NCAPD3: variants seen among roughly 807,000 people sequenced by gnomAD.
NCAPD3 encodes non-SMC condensin II complex subunit D3, also known as condensin-2 complex subunit D3.
In NCAPD3, 105 loss-of-function variants were observed where a neutral mutation model predicts 182.9. The ratio of observed to expected loss-of-function variants is 0.57; its 90% CI spans 0.49 to 0.68. The LOEUF (loss-of-function observed/expected upper bound fraction) is 0.68, where lower values mean the gene tolerates loss of function less well. NCAPD3 is among the 30% of genes least tolerant of loss of function. The pLI is 0.00. For missense variants in NCAPD3, 1,944 were observed against 1,837.0 expected, an observed-to-expected ratio of 1.06 and a Z score of -1.07; for synonymous variants, 815 against 679.9, an observed-to-expected ratio of 1.20 and a Z score of -3.09.
At chr11:134,163,844 C>T (rs1281628294) in intron 27 of NCAPD3, among the ~76,000 whole-genome samples, 4 of 135,764 alleles carry the variant, frequency 2.9e-5, no homozygotes, top group South Asian at 4.7e-4. Flanking sequence ...TGCACTCCAG[C>T]CTGGGCGACG....
chr11:134,160,025 T>C lies in NCAPD3; in HGVS notation c.3734A>G (p.Asp1245Gly). The C allele has an allele frequency of 1.2e-6, 2 of 1,614,144 alleles. No homozygotes were observed. Among genetic ancestry groups the C allele is most frequent in the Non-Finnish European group, 1.7e-6 (2 of 1,180,022 alleles). The change falls in exon 29 of 35, where the codon GAC (aspartate) becomes GGC (glycine). Residue 1245 changes from aspartate to glycine, a missense_variant. By Grantham distance (94) the Asp-to-Gly change is moderately conservative. Coordinates refer to ENST00000534548, the MANE Select transcript of NCAPD3 (RefSeq NM_015261.3). ...RDELKDFFAVDKQLASELEYD... is the reference protein window; with the variant it reads ...RDELKDFFAVGKQLASELEYD... ...CTCAAGCTCTGATGCCAGCTGTTTG[T>C]CAACTGCAAAGAAGTCCTTGAGCTC... is the stretch of plus-strand genomic sequence containing the variant.
intron 16 of NCAPD3, among the ~76,000 whole-genome samples, 183 bp downstream of exon 16, chr11:134,192,506 T>A (rs1053950722): frequency 1.3e-5 from 2 of 152,156 alleles, no homozygotes; most frequent in Non-Finnish European, 2.9e-5. Flanking sequence ...GTCACAAACA[T>A]ACAGGCGATA....
At chr11:134,207,962 G>A (rs776955387) in intron 7 of NCAPD3, among the ~76,000 whole-genome samples, 16 of 152,114 alleles carry the variant, frequency 1.1e-4, no homozygotes, top group Non-Finnish European at 1.6e-4. Context: ...CATTGTGCTC[G>A]GTAGGCGGCC....
At position 134,168,103 on chromosome 11, in the gene NCAPD3, G is replaced by A. The variant is rs761147428; in HGVS notation, c.3466C>T (p.Leu1156Phe). 1 of 1,614,164 alleles carries A rather than the reference G, an allele frequency of 6.2e-7. No individual in the cohort carries two copies. Among genetic ancestry groups the A allele is most frequent in the Non-Finnish European group, 8.5e-7 (1 of 1,180,002 alleles). The change falls in exon 27 of 35, where the codon CTT becomes TTT. Residue 1156 changes from leucine (L) to phenylalanine (F), a missense_variant. By Grantham distance (22) the Leu-to-Phe change is conservative. This residue lies in a region of NCAPD3 where 1,803 missense variants were observed against 1,674.6 expected (regional missense o/e 1.08). Transcript: ENST00000534548. ...FEVLSSKEIK[L>F]LAMRSKPDKD... ...TCTGGTTTAGATCTCATTGCCAAAA[G>A]CTTGATCTCCTTTGAGCTGAGGACC...
intron 32 of NCAPD3, among the ~76,000 whole-genome samples, chr11:134,155,369 T>C (rs1943391430): frequency 2.6e-5 from 4 of 152,228 alleles, no homozygotes; most frequent in Non-Finnish European, 5.9e-5. Flanking sequence ...TTTTAAACTA[T>C]CTAACAGTTC....
intron 16 of NCAPD3, among the ~76,000 whole-genome samples, chr11:134,192,235 C>T (rs907788396): frequency 6.6e-6 from 1 of 152,180 alleles, no homozygotes; most frequent in Admixed American, 6.5e-5. Flanking sequence ...CTCCTAACTA[C>T]AATATTCACT....
chr11:134,211,796 G>T (rs1212030558), intron 3 of NCAPD3, among the ~76,000 whole-genome samples: 1 of 152,076 alleles, frequency 6.6e-6, no homozygotes, highest in Non-Finnish European at 1.5e-5. Context: ...CTGAAACAAA[G>T]ATAAGTGAAC....
chr11:134,183,531 G>C (rs1043733978), intron 19 of NCAPD3, among the ~76,000 whole-genome samples: 1 of 152,198 alleles, frequency 6.6e-6, no homozygotes, highest in African/African-American at 2.4e-5. Context: ...TTGCGCCACT[G>C]TACTCTAGCC....
At chr11:134,172,284 CTTCA>C (rs567707621) in intron 24 of NCAPD3, among the ~76,000 whole-genome samples, 44 of 152,224 alleles carry the variant, frequency 2.9e-4, no homozygotes, top group Non-Finnish European at 5.7e-4. Flanking sequence ...GCTTTCCTGA[CTTCA>C]TTGTTTCCAG....
chr11:134,172,872 T>A (rs926207735), intron 24 of NCAPD3, among the ~76,000 whole-genome samples: 12 of 149,194 alleles, frequency 8.0e-5, no homozygotes, highest in Non-Finnish European at 1.3e-4. Context: ...AATAAAACAT[T>A]AGCTAACTAT....
At chr11:134,188,624 G>T (rs1015260824) in intron 16 of NCAPD3, among the ~76,000 whole-genome samples, 1 of 152,138 alleles carries the variant, frequency 6.6e-6, no homozygotes, top group African/African-American at 2.4e-5. Flanking sequence ...TTTAAGAGCT[G>T]TAACACTCAC....
chr11:134,161,873 T>C lies in NCAPD3; in HGVS notation c.3592A>G (p.Ile1198Val), dbSNP rs770093886. ...LISQVQKRNF[I>V]ENIIPIIISL... ...ATGATAATTGGAATAATATTTTCTA[T>C]GAAATTCCTCTTCTGAACCTGGTAA... The change falls in exon 28 of 35, where the codon ATA becomes GTA. Residue 1198 changes from isoleucine to valine, a missense_variant. Coordinates refer to ENST00000534548, the MANE Select transcript of NCAPD3 (RefSeq NM_015261.3). 1.9e-5 allele frequency: 30 copies of C among 1,555,300 alleles called. No homozygotes were observed. The highest frequency in any genetic ancestry group is 3.5e-5 in the South Asian group (3 of 86,742).
In NCAPD3 at chr11:134,178,638, G is replaced by A. The variant is rs903280526; in HGVS notation, c.2778C>T (p.Thr926=). 6 of 1,542,950 alleles carry A rather than the reference G, an allele frequency of 3.9e-6. No homozygotes were observed. Among genetic ancestry groups the A allele is most frequent in the African/African-American group, 1.4e-5 (1 of 72,646 alleles). ...ATTCTCCCATGTTTTTCTTACCTAA[G>A]GTAATGATGGCATGTGCTCTAATCA... ...PSVIRAHAII[T]LGKLCLQHED... Residue 926 remains threonine (T), a synonymous_variant, in exon 22 of 35, where the codon ACC becomes ACT. Coordinates refer to ENST00000534548, the MANE Select transcript of NCAPD3 (RefSeq NM_015261.3).
At chr11:134,166,367 CACTT>C (rs1226043397) in intron 27 of NCAPD3, among the ~76,000 whole-genome samples, 2 of 12,566 alleles carry the variant, frequency 1.6e-4, no homozygotes, top group Non-Finnish European at 2.5e-4. Context: ...GCAGCACACT[CACTT>C]GTGAGATGAG....
chr11:134,189,035 G>C (rs1218158062), intron 16 of NCAPD3, among the ~76,000 whole-genome samples: 1 of 152,046 alleles, frequency 6.6e-6, no homozygotes, highest in Non-Finnish European at 1.5e-5. Flanking sequence ...TTTTGTTATG[G>C]TGGCCCTGGC....
Position 134,158,329 on chromosome 11 carries a change from C to T in NCAPD3, c.4034G>A (p.Arg1345Lys), listed in dbSNP as rs1943485008. The T allele has an allele frequency of 6.2e-7, 1 of 1,613,962 alleles. No individual in the cohort carries two copies. The highest frequency in any genetic ancestry group is 8.5e-7 in the Non-Finnish European group (1 of 1,180,028). ...GPLQRLLPKA[R>K]PMSLSTIAIL... ...GATGTGGCCTCCAGGGGCTCTTTACCTGGCTTTGGGCAGCAACCTCTGCAA... is the reference window on the plus strand; with the variant it reads ...GATGTGGCCTCCAGGGGCTCTTTACTTGGCTTTGGGCAGCAACCTCTGCAA... The change falls in exon 30 of 35, where the codon AGG (arginine) becomes AAG (lysine). Residue 1345 changes from arginine (R) to lysine (K), a missense_variant and splice_region_variant. Arg to Lys is a conservative substitution (Grantham distance 26). Transcript: ENST00000534548.
At chr11:134,168,315 T>C (rs895911411) in intron 26 of NCAPD3, 120 bp from the exon 27 acceptor site, 2 of 1,464,456 alleles carry the variant, frequency 1.4e-6, no homozygotes, top group African/African-American at 1.4e-5. Flanking sequence ...CAAGGGTGTT[T>C]TGTCTGGGGC....
At chr11:134,208,812 T>G in intron 7 of NCAPD3, 52 bp downstream of exon 7, 1 of 1,198,880 alleles carries the variant, frequency 8.3e-7, no homozygotes, top group South Asian at 1.3e-5. Context: ...ATCATATGGT[T>G]CATGTGCCTT....
chr11:134,151,075 C>CTGT lies in NCAPD3; in HGVS notation c.*1866_*1868dup, dbSNP rs1366808847. The CTGT allele has an allele frequency of 1.3e-5, 2 of 152,298 alleles. No individual in the cohort carries two copies. The highest frequency in any genetic ancestry group is 2.4e-5 in the African/African-American group (1 of 41,474). The allele number at this position is 152,298 out of a possible 1,614,324, so 9.4% of individuals were successfully genotyped here. ...CCGTGCTGGACTCAGGACTGAAGTG[C>CTGT]TGTAAAGCAAGGAGCTGCTGAGAAG... On this transcript the variant is annotated 3_prime_UTR_variant, in exon 35 of 35. Coordinates refer to ENST00000534548, the MANE Select transcript of NCAPD3 (RefSeq NM_015261.3).
Sources: allele counts gnomAD v4.1 joint callset (sites outside exome capture counted in the v4.1 genomes callset), GRCh38; gene constraint gnomAD v4.1.1; regional missense constraint gnomAD v4.1.1; transcripts MANE v1.5; gene names NCBI Gene and HGNC (gene_info 2026-07-23, HGNC 2026-07-21).